STK24: variants seen among roughly 807,000 people sequenced by gnomAD.
STK24 encodes serine/threonine-protein kinase 24.
In STK24, 21 loss-of-function variants were observed where a neutral mutation model predicts 55.6. The observed-to-expected ratio is 0.38, with a 90% CI of 0.27 to 0.54. STK24 has a LOEUF of 0.54. Among genes scored for constraint, STK24 ranks in the 20% least tolerant of loss-of-function variants. The probability of loss-of-function intolerance (pLI) is 0.79; values close to 1 mark genes in which losing one functional copy is unlikely to be tolerated. For synonymous variants in STK24, 200 were observed against 215.2 expected, an observed-to-expected ratio of 0.93 and a Z score of 0.62; for missense variants, 383 against 538.4, an observed-to-expected ratio of 0.71 and a Z score of 2.86.
At chr13:98,453,519 A>T (rs1214701378) in intron 10 of STK24, 1 of 336,022 alleles carries the variant, frequency 3.0e-6, no homozygotes, top group African/African-American at 2.2e-5. Context: ...AAAAGTGAAC[A>T]TTGATCCATA....
intron 5 of STK24, among the ~76,000 whole-genome samples, chr13:98,473,140 G>A (rs1341471745): frequency 6.7e-6 from 1 of 149,706 alleles, no homozygotes; most frequent in African/African-American, 2.5e-5. Flanking sequence ...AGAGACTTTT[G>A]TTCTTGTCTA....
chr13:98,534,940 C>T (rs1175175876), intron 1 of STK24, among the ~76,000 whole-genome samples: 1 of 152,224 alleles, frequency 6.6e-6, no homozygotes, highest in South Asian at 2.1e-4. Context: ...TTGCAATTCC[C>T]CTGTCTTGAT....
At chr13:98,484,876 C>T (rs76036522) in intron 2 of STK24, among the ~76,000 whole-genome samples, 35,011 of 152,060 alleles carry the variant, frequency 0.23, 4,405 homozygotes, top group Non-Finnish European at 0.29. Context: ...AGCCTTCCCG[C>T]TTCCCTCCAA....
At chr13:98,535,699 G>A (rs1039412584) in intron 1 of STK24, among the ~76,000 whole-genome samples, 5 of 152,030 alleles carry the variant, frequency 3.3e-5, no homozygotes, top group South Asian at 4.2e-4. Context: ...GAGACAATTC[G>A]GGCACAGATC....
At position 98,448,201 on chromosome 13, in the gene STK24, C is replaced by G. The variant is rs751016334; in HGVS notation, c.*4972G>C. 2 of 1,587,908 alleles carry G rather than the reference C, an allele frequency of 1.3e-6. No homozygotes were observed. The highest frequency in any genetic ancestry group is 1.7e-6 in the Non-Finnish European group (2 of 1,156,518). ...CCAAAGTGTCAGGAGTCCGTCCAAA[C>G]AAAAGGTTGACTAACTGGCGTTCCC... On this transcript the variant is annotated 3_prime_UTR_variant, in exon 11 of 11. Transcript: ENST00000539966.
intron 5 of STK24, among the ~76,000 whole-genome samples, chr13:98,468,267 T>C (rs1893994124): frequency 6.6e-6 from 1 of 152,258 alleles, no homozygotes. Flanking sequence ...AAATTCTTTC[T>C]ACTAAATCTT....
Position 98,445,801 on chromosome 13 carries a change from C to T in STK24, c.*7372G>A, listed in dbSNP as rs7983522. 0.72 allele frequency: 197,772 copies of T among 275,490 alleles called. 74,917 individuals are homozygous for T. The highest frequency in any genetic ancestry group is 0.83 in the Non-Finnish European group (118,675 of 143,472). The allele number at this position is 275,490 out of a possible 1,614,324, so 17.1% of individuals were successfully genotyped here. A position where few individuals can be genotyped will look rare whatever the true frequency, so the allele number is the denominator to read the frequency against. On this transcript the variant is annotated 3_prime_UTR_variant, in exon 11 of 11. Coordinates refer to ENST00000539966, the MANE Select transcript of STK24 (RefSeq NM_001032296.4). The stretch of plus-strand genomic sequence containing the variant: ...CTCGTCTTCACTAGTTACCCTGCAA[C>T]GAGCCTATTTCCAAATAAGCCTGTG...
chr13:98,505,427 C>G (rs1402212657), intron 2 of STK24, among the ~76,000 whole-genome samples: 2 of 152,244 alleles, frequency 1.3e-5, no homozygotes, highest in Admixed American at 6.5e-5. Flanking sequence ...TGGAAGCCAA[C>G]AGCAGAAGCA....
chr13:98,543,734 G>A (rs1462879590), intron 1 of STK24, among the ~76,000 whole-genome samples: 1 of 152,188 alleles, frequency 6.6e-6, no homozygotes, highest in African/African-American at 2.4e-5. Context: ...GACTGCAAGA[G>A]AGGAGCTGCC....
At chr13:98,496,796 C>A (rs1895267502) in intron 2 of STK24, among the ~76,000 whole-genome samples, 1 of 152,160 alleles carries the variant, frequency 6.6e-6, no homozygotes, top group South Asian at 2.1e-4. Flanking sequence ...TCGGAGCCAA[C>A]AAATGGTGAA....
At chr13:98,539,700 A>G (rs1381430440) in intron 1 of STK24, among the ~76,000 whole-genome samples, 1 of 152,252 alleles carries the variant, frequency 6.6e-6, no homozygotes, top group Non-Finnish European at 1.5e-5. Context: ...AAAATTACAC[A>G]TAGGAGAAAT....
chr13:98,473,659 G>T (rs1159418721), intron 5 of STK24, among the ~76,000 whole-genome samples: 1 of 152,182 alleles, frequency 6.6e-6, no homozygotes, highest in African/African-American at 2.4e-5. Context: ...GTGGGTATGT[G>T]GGGGGTGGGG....
At chr13:98,575,069 C>CT (rs199946466) in intron 1 of STK24, among the ~76,000 whole-genome samples, 7 of 151,656 alleles carry the variant, frequency 4.6e-5, no homozygotes, top group Admixed American at 6.6e-5. Flanking sequence ...ATTGATAAAA[C>CT]TTTTTTTTTA....
At chr13:98,543,724 G>A (rs1387606053) in intron 1 of STK24, among the ~76,000 whole-genome samples, 2 of 152,118 alleles carry the variant, frequency 1.3e-5, no homozygotes, top group Admixed American at 6.5e-5. Flanking sequence ...GACACCCCTC[G>A]ACTGCAAGAG....
At chr13:98,472,482 T>C (rs188707322) in intron 5 of STK24, among the ~76,000 whole-genome samples, 5 of 152,194 alleles carry the variant, frequency 3.3e-5, no homozygotes, top group African/African-American at 9.7e-5. Flanking sequence ...CATGGCCCTG[T>C]CTCCTTTTTT....
Position 98,488,559 on chromosome 13 carries a change from C to T in STK24, c.274-6238G>A, listed in dbSNP as rs374959945. On this transcript the variant is annotated intron_variant, in intron 2 of 10. Coordinates refer to ENST00000539966, the MANE Select transcript of STK24 (RefSeq NM_001032296.4). ...TTTTTTTTAAAGTAGGAGTTTTTAA[C>T]ATATTGGGAAAGTTCGCCTTCTGTA... is the stretch of plus-strand genomic sequence containing the variant. 2.7e-4 allele frequency among the ~76,000 whole-genome samples: 41 copies of T among 152,148 alleles called. No individual in the cohort carries two copies. The East Asian group carries it at 6.2e-3, about 23-fold the overall frequency.
intron 1 of STK24, among the ~76,000 whole-genome samples, chr13:98,533,446 T>A (rs954329628): frequency 2.1e-4 from 32 of 151,992 alleles, no homozygotes; most frequent in African/African-American, 7.5e-4. Flanking sequence ...AGTGCTAGCA[T>A]CTACTATCTA....
chr13:98,514,444 C>G (rs1895987862), intron 2 of STK24, among the ~76,000 whole-genome samples: 1 of 152,232 alleles, frequency 6.6e-6, no homozygotes, highest in Non-Finnish European at 1.5e-5. Context: ...TACCCACAAT[C>G]AATCCTTTCC....
intron 1 of STK24, among the ~76,000 whole-genome samples, chr13:98,523,365 T>A (rs376520054): frequency 6.6e-6 from 1 of 152,206 alleles, no homozygotes; most frequent in Non-Finnish European, 1.5e-5. Context: ...TGTGGGAGAC[T>A]GTTACAAAAA....
Sources: allele counts gnomAD v4.1 joint callset (sites outside exome capture counted in the v4.1 genomes callset), GRCh38; gene constraint gnomAD v4.1.1; transcripts MANE v1.5; gene names NCBI Gene and HGNC (gene_info 2026-07-23, HGNC 2026-07-21).